Variants in KCNU1 observed in about 807,000 individuals in gnomAD.
KCNU1 encodes potassium channel subfamily U member 1.
KCNU1 carries 93 observed loss-of-function variants against 126.8 expected under a neutral mutation model. The ratio of observed to expected loss-of-function variants is 0.73; its 90% CI spans 0.62 to 0.87. The LOEUF is 0.87. Ranked by LOEUF, KCNU1 falls within the 40% of genes least tolerant of loss-of-function variation. The pLI, the probability that KCNU1 is intolerant of heterozygous loss-of-function variation, is 0.00. For missense variants in KCNU1, 1,330 were observed against 1,367.1 expected, an observed-to-expected ratio of 0.97 and a Z score of 0.43; for synonymous variants, 523 against 494.2, an observed-to-expected ratio of 1.06 and a Z score of -0.77.
At chr8:36,829,514 A>G (rs1260552842) in intron 10 of KCNU1, among the ~76,000 whole-genome samples, 1 of 151,712 alleles carries the variant, frequency 6.6e-6, no homozygotes, top group Non-Finnish European at 1.5e-5. Flanking sequence ...CAGTCTTTTA[A>G]TTACTAAATC....
At chr8:36,886,764 A>T (rs1047467663) in intron 19 of KCNU1, among the ~76,000 whole-genome samples, 1 of 152,070 alleles carries the variant, frequency 6.6e-6, no homozygotes, top group Non-Finnish European at 1.5e-5. Flanking sequence ...TATGCATTGT[A>T]CCCAATATGT....
At chr8:36,826,654 A>C (rs1455803158) in intron 10 of KCNU1, among the ~76,000 whole-genome samples, 1 of 152,132 alleles carries the variant, frequency 6.6e-6, no homozygotes, top group Non-Finnish European at 1.5e-5. Context: ...AAACCCATCC[A>C]TTAAGTTTTC....
intron 4 of KCNU1, among the ~76,000 whole-genome samples, chr8:36,805,557 C>T (rs1360014917): frequency 1.3e-5 from 2 of 152,110 alleles, no homozygotes; most frequent in African/African-American, 4.8e-5. Context: ...TACTGGCTTC[C>T]CATCTTTACT....
rs2117533632 is a variant in KCNU1 at position 36,911,089 on chromosome 8, T to C, written c.2491T>C (p.Ser831Pro). The change falls in exon 22 of 27, where the codon TCC (serine) becomes CCC (proline). Residue 831 changes from serine to proline, a missense_variant. Physicochemically the swap from Ser to Pro is moderately conservative, Grantham distance 74 (BLOSUM62 -1). This residue lies in a region of KCNU1 where 1,054 missense variants were observed against 1,053.9 expected (regional missense o/e 1.00). Transcript: ENST00000399881. ...TLTIGSLQIDSSSDPSPSVSE... is the reference protein window; with the variant it reads ...TLTIGSLQIDPSSDPSPSVSE... Reference sequence around the variant, plus strand: ...CACCATCGGATCCTTGCAAATTGACTCCTCCTCTGACCCGTCACCCTCAGT... The same window carrying C: ...CACCATCGGATCCTTGCAAATTGACCCCTCCTCTGACCCGTCACCCTCAGT... The C allele has an allele frequency of 6.2e-7, 1 of 1,613,370 alleles. No individual in the cohort carries two copies. The highest frequency in any genetic ancestry group is 8.5e-7 in the Non-Finnish European group (1 of 1,179,632).
intron 19 of KCNU1, among the ~76,000 whole-genome samples, chr8:36,885,402 A>G (rs1208617115): frequency 6.6e-6 from 1 of 152,130 alleles, no homozygotes; most frequent in Non-Finnish European, 1.5e-5. Flanking sequence ...TAAAAATACA[A>G]AAATTAGCAG....
intron 19 of KCNU1, among the ~76,000 whole-genome samples, chr8:36,878,447 G>A (rs1806350319): frequency 6.6e-6 from 1 of 152,138 alleles, no homozygotes; most frequent in Non-Finnish European, 1.5e-5. Context: ...GCAGCAGATG[G>A]TTGTCCCTGT....
chr8:36,841,016 C>A lies in KCNU1; in HGVS notation c.1703+13C>A. On this transcript the variant is annotated intron_variant, in intron 16 of 26. Coordinates refer to ENST00000399881, the MANE Select transcript of KCNU1 (RefSeq NM_001031836.3). ...CGGATGGTTTCTGGTACCAATAAGT[C>A]TGCTCATCTCTTCAGTTGTTTTTTT... The A allele has an allele frequency of 7.6e-7, 1 of 1,311,972 alleles. No homozygotes were observed. Among genetic ancestry groups the A allele is most frequent in the Non-Finnish European group, 1.1e-6 (1 of 912,688 alleles). The allele number at this position is 1,311,972 out of a possible 1,614,324, so 81.3% of individuals were successfully genotyped here. A position where few individuals can be genotyped will look rare whatever the true frequency, so the allele number is the denominator to read the frequency against.
chr8:36,825,776 C>CT (rs908680620), intron 10 of KCNU1, among the ~76,000 whole-genome samples: 61 of 145,990 alleles, frequency 4.2e-4, no homozygotes, highest in Middle Eastern at 3.6e-3. Flanking sequence ...GTAAAGATGT[C>CT]TTTTTTTTTT....
At chr8:36,794,026 C>A (rs535930541) in intron 2 of KCNU1, among the ~76,000 whole-genome samples, 1 of 143,984 alleles carries the variant, frequency 6.9e-6, no homozygotes, top group African/African-American at 2.6e-5. Context: ...TGCACTCCAG[C>A]CTGGGTGACA....
intron 19 of KCNU1, among the ~76,000 whole-genome samples, chr8:36,879,467 C>A (rs1256994124): frequency 6.6e-6 from 1 of 151,744 alleles, no homozygotes; most frequent in Non-Finnish European, 1.5e-5. Context: ...TAAATTAATG[C>A]AGAGCATATT....
intron 19 of KCNU1, among the ~76,000 whole-genome samples, chr8:36,893,327 CTT>C (rs768832342): frequency 8.0e-5 from 11 of 138,276 alleles, no homozygotes; most frequent in South Asian, 7.0e-4. Context: ...TTTTATGGGT[CTT>C]TTTTTTTTTT....
rs764904437 is a variant in KCNU1, at chr8:36,932,987, T to G, written c.2999T>G (p.Leu1000Ter). 23 of 1,571,996 alleles carry G rather than the reference T, an allele frequency of 1.5e-5. No individual in the cohort carries two copies. The highest frequency in any genetic ancestry group is 1.9e-5 in the Non-Finnish European group (22 of 1,156,818). Residue 1000 changes from leucine to a stop codon, truncating the protein, a stop_gained, in exon 26 of 27, where the codon TTA becomes TGA. Coordinates refer to ENST00000399881, the MANE Select transcript of KCNU1 (RefSeq NM_001031836.3). LOFTEE classifies it low-confidence loss of function (END_TRUNC). ...CTTTTTGGAATCCTGTGTGTTGGCTTATACCGAATAATTGATGAAGAGGAG... is the reference window on the plus strand; with the variant it reads ...CTTTTTGGAATCCTGTGTGTTGGCTGATACCGAATAATTGATGAAGAGGAG... Reference protein sequence around the residue: ...LDLFGILCVGLYRIIDEEELN... With the variant: ...LDLFGILCVG
intron 10 of KCNU1, among the ~76,000 whole-genome samples, chr8:36,820,428 G>A (rs899744179): frequency 3.3e-5 from 5 of 152,080 alleles, no homozygotes; most frequent in African/African-American, 1.2e-4. Context: ...GGAAATTGCT[G>A]TAGGGTGATG....
intron 2 of KCNU1, among the ~76,000 whole-genome samples, chr8:36,797,716 C>T (rs1411727096): frequency 6.6e-6 from 1 of 151,418 alleles, no homozygotes; most frequent in African/African-American, 2.4e-5. Context: ...TTTGAGTGTC[C>T]AAAAAAGTTT....
intron 24 of KCNU1, among the ~76,000 whole-genome samples, chr8:36,923,713 G>T (rs559688776): frequency 6.6e-6 from 1 of 152,306 alleles, no homozygotes; most frequent in African/African-American, 2.4e-5. Flanking sequence ...CATCCTTACT[G>T]CTGGGTCCTG....
chr8:36,808,474 C>T (rs141227521), intron 6 of KCNU1, among the ~76,000 whole-genome samples: 1 of 151,970 alleles, frequency 6.6e-6, no homozygotes, highest in Non-Finnish European at 1.5e-5. Context: ...TGTGACTGGG[C>T]GAGTTTCAGA....
intron 19 of KCNU1, among the ~76,000 whole-genome samples, chr8:36,891,928 T>C (rs1397537062): frequency 6.6e-6 from 1 of 152,112 alleles, no homozygotes; most frequent in African/African-American, 2.4e-5. Flanking sequence ...TTATGGTATA[T>C]CCAGGTCTGA....
intron 19 of KCNU1, 74 bp downstream of exon 19, chr8:36,864,595 C>A: frequency 2.3e-6 from 2 of 874,732 alleles, no homozygotes; most frequent in Non-Finnish European, 3.9e-6. Context: ...TGTATTTAAA[C>A]CAGAATATTT....
chr8:36,863,204 A>G (rs1048862384), intron 18 of KCNU1, among the ~76,000 whole-genome samples: 2 of 152,172 alleles, frequency 1.3e-5, no homozygotes, highest in Admixed American at 1.3e-4. Context: ...TAATTACATC[A>G]AAAGAAAGAG....
Sources: allele counts gnomAD v4.1 joint callset (sites outside exome capture counted in the v4.1 genomes callset), GRCh38; gene constraint gnomAD v4.1.1; regional missense constraint gnomAD v4.1.1; transcripts MANE v1.5; gene names NCBI Gene and HGNC (gene_info 2026-07-23, HGNC 2026-07-21).